PACRG: variants seen among roughly 807,000 people sequenced by gnomAD.
The protein encoded by PACRG is parkin coregulated.
In PACRG, 29 loss-of-function variants were observed where a neutral mutation model predicts 29.7. That is an observed-to-expected ratio of 0.98 (90% CI 0.73 to 1.33). The LOEUF is 1.33. PACRG is among the 40% of genes most tolerant of loss of function. The probability of loss-of-function intolerance (pLI) is 0.00; values close to 1 mark genes in which losing one functional copy is unlikely to be tolerated. For synonymous variants in PACRG, 116 were observed against 118.7 expected (o/e 0.98, Z 0.15); for missense variants, 279 against 316.2 (o/e 0.88, Z 0.89).
intron 3 of PACRG, among the ~76,000 whole-genome samples, chr6:163,067,403 A>G (rs2128274150): frequency 6.6e-6 from 1 of 152,354 alleles, no homozygotes; most frequent in South Asian, 2.1e-4. Context: ...TCTCCCTTGT[A>G]TGTGGGATCA....
rs1378544649 is a variant in PACRG, at chr6:163,269,906, G to C, written c.614-44921G>C. Among the ~76,000 whole-genome samples the C allele has an allele frequency of 1.4e-3, 89 of 63,630 alleles. 8 individuals carry two copies. Among genetic ancestry groups the C allele is most frequent in the African/African-American group, 7.2e-3 (85 of 11,866 alleles). The allele number at this position is 63,630 out of a possible 152,430, so 41.7% of individuals were successfully genotyped here. On this transcript the variant is annotated intron_variant, in intron 4 of 4. Transcript: ENST00000366888. ...GAAAGAAAGAAAACAAAGAAAGAAA[G>C]AAAGAAAGAAAGAAAGAAAGAAAAC...
intron 4 of PACRG, among the ~76,000 whole-genome samples, chr6:163,106,043 T>C (rs907290690): frequency 2.6e-5 from 4 of 152,188 alleles, no homozygotes; most frequent in African/African-American, 9.6e-5. Flanking sequence ...ATAGGCTAGA[T>C]TCTGGATTAA....
chr6:162,964,069 T>C (rs9456823), intron 2 of PACRG, among the ~76,000 whole-genome samples: 23,666 of 152,014 alleles, frequency 0.16, 3,235 homozygotes, highest in African/African-American at 0.36. Flanking sequence ...CAAATAACCA[T>C]AACAGAAGTT....
intron 2 of PACRG, among the ~76,000 whole-genome samples, chr6:162,867,844 G>A (rs756530238): frequency 6.6e-6 from 1 of 152,098 alleles, no homozygotes; most frequent in African/African-American, 2.4e-5. Context: ...AGGCAGCGTC[G>A]TAGAGGGAAA....
At chr6:163,138,981 G>A (rs113290499) in intron 4 of PACRG, among the ~76,000 whole-genome samples, 39 of 152,256 alleles carry the variant, frequency 2.6e-4, no homozygotes, top group African/African-American at 6.5e-4. Flanking sequence ...CATATAGACC[G>A]GCCATATCCT....
chr6:163,069,148 C>T (rs1024783076), intron 3 of PACRG, among the ~76,000 whole-genome samples: 1 of 151,932 alleles, frequency 6.6e-6, no homozygotes, highest in Non-Finnish European at 1.5e-5. Context: ...CAACAATACC[C>T]AAGTCCTTTC....
chr6:163,129,230 C>T (rs966720881), intron 4 of PACRG, among the ~76,000 whole-genome samples: 5 of 152,106 alleles, frequency 3.3e-5, no homozygotes, highest in South Asian at 2.1e-4. Flanking sequence ...AATTTGAGCG[C>T]GATTTGAACA....
At chr6:162,896,349 A>T (rs1014787930) in intron 2 of PACRG, among the ~76,000 whole-genome samples, 2 of 152,168 alleles carry the variant, frequency 1.3e-5, no homozygotes, top group African/African-American at 4.8e-5. Flanking sequence ...ATGAGTTTAG[A>T]ATGACACATT....
In PACRG at chr6:162,853,589, T is replaced by G. The variant is rs139635101; in HGVS notation, c.291+39308T>G. Among the ~76,000 whole-genome samples the G allele has an allele frequency of 1.8e-3, 280 of 152,270 alleles. No homozygotes were observed. The highest frequency in any genetic ancestry group is 6.3e-3 in the African/African-American group (261 of 41,558). ...CAGGAACAGAAAACCAAATACCACA[T>G]GTTCTCCCTTATAAGTGGGAGCTAA... On this transcript the variant is annotated intron_variant, in intron 2 of 4. Transcript: ENST00000366888. This position sits in a 1 kb window ranked among gnomAD's most constrained non-coding sequence, Gnocchi z 4.7.
At chr6:163,267,014 CA>C (rs1397297578) in intron 4 of PACRG, among the ~76,000 whole-genome samples, 2 of 152,312 alleles carry the variant, frequency 1.3e-5, no homozygotes, top group African/African-American at 4.8e-5. Flanking sequence ...GAACCAGGGC[CA>C]GGGGCATGAA....
At chr6:162,836,118 A>G (rs1789201268) in intron 2 of PACRG, among the ~76,000 whole-genome samples, 1 of 151,962 alleles carries the variant, frequency 6.6e-6, no homozygotes, top group African/African-American at 2.4e-5. Flanking sequence ...ATTTTTATAT[A>G]TTTTTTACTT....
intron 2 of PACRG, among the ~76,000 whole-genome samples, chr6:162,896,789 G>A (rs950234200): frequency 1.3e-5 from 2 of 152,196 alleles, no homozygotes; most frequent in African/African-American, 4.8e-5. Flanking sequence ...ACAGGTCTTA[G>A]TATATTTGAT....
chr6:163,298,990 C>T (rs1242366625), intron 4 of PACRG, among the ~76,000 whole-genome samples: 1 of 152,184 alleles, frequency 6.6e-6, no homozygotes, highest in Non-Finnish European at 1.5e-5. Context: ...CTTTCCGTTC[C>T]TTGCCAGGAC....
chr6:163,067,948 G>A (rs1811699672), intron 3 of PACRG, among the ~76,000 whole-genome samples: 1 of 152,084 alleles, frequency 6.6e-6, no homozygotes, highest in South Asian at 2.1e-4. Flanking sequence ...AGTATTACAA[G>A]ATCTGTCAAA....
At chr6:163,064,721 T>C (rs1811385671) in intron 3 of PACRG, among the ~76,000 whole-genome samples, 1 of 152,204 alleles carries the variant, frequency 6.6e-6, no homozygotes, top group Non-Finnish European at 1.5e-5. Flanking sequence ...CTGATGTACA[T>C]AATTGACATA....
At chr6:163,159,353 T>C (rs928289116) in intron 4 of PACRG, among the ~76,000 whole-genome samples, 9 of 149,232 alleles carry the variant, frequency 6.0e-5, no homozygotes, top group African/African-American at 2.2e-4. Flanking sequence ...TAATAAATGA[T>C]TTATTATAAT....
At chr6:163,247,058 T>C (rs1286755158) in intron 4 of PACRG, among the ~76,000 whole-genome samples, 1 of 152,176 alleles carries the variant, frequency 6.6e-6, no homozygotes, top group Non-Finnish European at 1.5e-5. Flanking sequence ...TGCAGTATAA[T>C]GAAGGGGGAT....
At chr6:162,852,634 T>TTG (rs1448655968) in intron 2 of PACRG, among the ~76,000 whole-genome samples, 1 of 152,232 alleles carries the variant, frequency 6.6e-6, no homozygotes, top group Non-Finnish European at 1.5e-5. Flanking sequence ...AATTGGTCCA[T>TTG]ACATGTGGCT....
intron 2 of PACRG, among the ~76,000 whole-genome samples, chr6:162,895,004 A>C (rs1314372925): frequency 1.3e-5 from 2 of 152,208 alleles, no homozygotes; most frequent in African/African-American, 4.8e-5. Context: ...AAAATAAATA[A>C]GCTACCCCAT....
Sources: gnomAD v4.1 joint callset for allele counts (sites outside exome capture counted in the v4.1 genomes callset) on GRCh38, gnomAD v4.1.1 for gene constraint, Gnocchi (gnomAD v3.1) non-coding constraint, MANE v1.5 for transcripts, NCBI Gene and HGNC (gene_info 2026-07-23, HGNC 2026-07-21) for gene names.